GRM1: variants seen among roughly 807,000 people sequenced by gnomAD.
GRM1 encodes the protein glutamate metabotropic receptor 1, also known as metabotropic glutamate receptor 1.
A neutral mutation model predicts 90.9 loss-of-function variants in GRM1; 33 were observed. That is an observed-to-expected ratio of 0.36 (90% CI 0.28 to 0.49). GRM1 has a LOEUF of 0.49. Among genes scored for constraint, GRM1 ranks in the 20% least tolerant of loss-of-function variants. The pLI, the probability that GRM1 is intolerant of heterozygous loss-of-function variation, is 0.99. For synonymous variants in GRM1, 700 were observed against 613.2 expected (o/e 1.14, Z -2.09); for missense variants, 1,190 against 1,534.3 (o/e 0.78, Z 3.75).
intron 3 of GRM1, among the ~76,000 whole-genome samples, chr6:146,326,628 G>A (rs1784410365): frequency 1.3e-5 from 2 of 152,126 alleles, no homozygotes; most frequent in South Asian, 4.2e-4. Flanking sequence ...ATAAATAATA[G>A]TAAAATTAAT....
At chr6:146,120,966 A>T (rs1190233765) in intron 1 of GRM1, among the ~76,000 whole-genome samples, 1 of 152,176 alleles carries the variant, frequency 6.6e-6, no homozygotes, top group East Asian at 1.9e-4. Flanking sequence ...TGAGTTAGGG[A>T]GGATTCCCTC....
At chr6:146,076,701 T>C (rs912205261) in intron 1 of GRM1, among the ~76,000 whole-genome samples, 2 of 151,852 alleles carry the variant, frequency 1.3e-5, no homozygotes, top group African/African-American at 4.8e-5. Flanking sequence ...AGTGGAGAGG[T>C]TGGATGGTCA....
At chr6:146,130,524 A>G (rs1159905236) in intron 1 of GRM1, among the ~76,000 whole-genome samples, 1 of 152,098 alleles carries the variant, frequency 6.6e-6, no homozygotes, top group African/African-American at 2.4e-5. Flanking sequence ...AAAGCTCAAT[A>G]CTGTGCTAAG....
intron 6 of GRM1, among the ~76,000 whole-genome samples, chr6:146,393,295 C>G (rs953251781): frequency 1.3e-5 from 2 of 152,070 alleles, no homozygotes; most frequent in African/African-American, 4.8e-5. Context: ...TGATGATGAG[C>G]TTTTTTTCAT....
At chr6:146,213,276 G>A (rs999804509) in intron 2 of GRM1, among the ~76,000 whole-genome samples, 4 of 152,090 alleles carry the variant, frequency 2.6e-5, no homozygotes, top group African/African-American at 9.7e-5. Flanking sequence ...AAAATGAGAG[G>A]GTTGGAGTGT....
chr6:146,115,014 T>C (rs1051282397), intron 1 of GRM1, among the ~76,000 whole-genome samples: 1 of 152,138 alleles, frequency 6.6e-6, no homozygotes, highest in Non-Finnish European at 1.5e-5. Flanking sequence ...ATCTACACTT[T>C]CAGATACTAA....
chr6:146,227,220 C>A (rs1454885917), intron 2 of GRM1, among the ~76,000 whole-genome samples: 1 of 149,492 alleles, frequency 6.7e-6, no homozygotes. Context: ...GTGTGTGTAT[C>A]TACACACATA....
At chr6:146,352,670 T>G (rs2115042602) in intron 4 of GRM1, among the ~76,000 whole-genome samples, 174 bp downstream of exon 4, 1 of 152,262 alleles carries the variant, frequency 6.6e-6, no homozygotes, top group East Asian at 1.9e-4. Flanking sequence ...CCACACCACT[T>G]TTTAAGACAT....
intron 6 of GRM1, among the ~76,000 whole-genome samples, chr6:146,389,844 A>G (rs1486429537): frequency 6.6e-6 from 1 of 152,024 alleles, no homozygotes; most frequent in Non-Finnish European, 1.5e-5. Context: ...AATGATCCAT[A>G]TTGATTCTGC....
intron 1 of GRM1, among the ~76,000 whole-genome samples, chr6:146,137,361 A>G (rs1278324261): frequency 6.6e-6 from 1 of 152,158 alleles, no homozygotes; most frequent in Non-Finnish European, 1.5e-5. Context: ...ACTGGGGTCT[A>G]GTTTCATTCT....
At chr6:146,414,127 C>A (rs1246267944) in intron 7 of GRM1, among the ~76,000 whole-genome samples, 1 of 152,068 alleles carries the variant, frequency 6.6e-6, no homozygotes, top group African/African-American at 2.4e-5. Context: ...AATTGCCAAA[C>A]AAATTTACAC....
At chr6:146,384,857 C>T (rs916970102) in intron 5 of GRM1, among the ~76,000 whole-genome samples, 1 of 151,762 alleles carries the variant, frequency 6.6e-6, no homozygotes, top group Non-Finnish European at 1.5e-5. Flanking sequence ...AAGAAAAAAA[C>T]ATTTTAATGG....
At chr6:146,376,131 C>A (rs756301214) in intron 5 of GRM1, among the ~76,000 whole-genome samples, 1 of 151,928 alleles carries the variant, frequency 6.6e-6, no homozygotes, top group Non-Finnish European at 1.5e-5. Context: ...AACACTGTTT[C>A]AATAAACAAA....
chr6:146,140,902 G>A (rs183063906), intron 1 of GRM1, among the ~76,000 whole-genome samples: 7 of 152,112 alleles, frequency 4.6e-5, no homozygotes, highest in East Asian at 1.9e-4. Flanking sequence ...GATGTGAGTC[G>A]TTTACACACC....
intron 5 of GRM1, among the ~76,000 whole-genome samples, chr6:146,369,532 T>G (rs920849444): frequency 6.6e-6 from 1 of 151,828 alleles, no homozygotes; most frequent in Admixed American, 6.6e-5. Context: ...CACCTTTATT[T>G]GTTTCTCAAT....
At chr6:146,115,927 T>C (rs913718396) in intron 1 of GRM1, among the ~76,000 whole-genome samples, 7 of 152,208 alleles carry the variant, frequency 4.6e-5, no homozygotes, top group Non-Finnish European at 1.0e-4. Context: ...TTGTATTGGC[T>C]ATGTACAATT....
At chr6:146,107,360 G>GT (rs67390004) in intron 1 of GRM1, among the ~76,000 whole-genome samples, 491 of 145,580 alleles carry the variant, frequency 3.4e-3, no homozygotes, top group East Asian at 0.011. Context: ...TTTCCAGGTA[G>GT]TTTTTTTTTT....
chr6:146,171,737 A>T (rs1041007170), intron 2 of GRM1: 3 of 295,906 alleles, frequency 1.0e-5, no homozygotes, highest in African/African-American at 6.8e-5. Context: ...AAGCAATCAG[A>T]TACCTACTAA....
intron 1 of GRM1, among the ~76,000 whole-genome samples, chr6:146,033,928 A>G (rs1422831317): frequency 6.6e-6 from 1 of 152,114 alleles, no homozygotes; most frequent in African/African-American, 2.4e-5. Context: ...ATGTACCAGT[A>G]ACTTTCTATA....
Sources: allele counts gnomAD v4.1 joint callset (sites outside exome capture counted in the v4.1 genomes callset), GRCh38; gene constraint gnomAD v4.1.1; transcripts MANE v1.5; gene names NCBI Gene and HGNC (gene_info 2026-07-23, HGNC 2026-07-21).